VPS52: variants seen among roughly 807,000 people sequenced by gnomAD.
VPS52 encodes the protein vacuolar protein sorting-associated protein 52 homolog.
Under a neutral mutation model 98.7 loss-of-function variants are expected in VPS52, and 56 were observed. The observed-to-expected ratio is 0.57, with a 90% CI of 0.46 to 0.71. The LOEUF (loss-of-function observed/expected upper bound fraction) is 0.71, where lower values mean the gene tolerates loss of function less well. Among genes scored for constraint, VPS52 ranks in the 30% least tolerant of loss-of-function variants. The pLI is 0.00. For missense variants in VPS52, 742 were observed against 925.9 expected (o/e 0.80, Z 2.58); for synonymous variants, 348 against 346.4 (o/e 1.00, Z -0.05).
intron 14 of VPS52, 80 bp downstream of exon 14, chr6:33,264,294 C>G: frequency 6.3e-7 from 1 of 1,587,480 alleles, no homozygotes; most frequent in Non-Finnish European, 8.6e-7. Flanking sequence ...CATGACACAA[C>G]TGTGACCTTG....
At chr6:33,260,414 C>A (rs928527649) in intron 17 of VPS52, among the ~76,000 whole-genome samples, 2 of 149,238 alleles carry the variant, frequency 1.3e-5, no homozygotes, top group African/African-American at 5.0e-5. Flanking sequence ...GTGTTTATAT[C>A]ATTAAAAAAT....
At chr6:33,254,717 C>T (rs929667000) in intron 17 of VPS52, 10 of 151,712 alleles carry the variant, frequency 6.6e-5, no homozygotes, top group Non-Finnish European at 1.2e-4. Flanking sequence ...CCATCACCCA[C>T]GCTGGAGTGC....
chr6:33,266,855 G>A, intron 11 of VPS52, 143 bp from the exon 12 acceptor site: 1 of 1,148,742 alleles, frequency 8.7e-7, no homozygotes, highest in Non-Finnish European at 1.2e-6. Context: ...GGCTGTCTAA[G>A]AGCAAGCTGA....
chr6:33,271,888 C>A, upstream of VPS52: 1 of 1,171,664 alleles, frequency 8.5e-7, no homozygotes, highest in Non-Finnish European at 1.2e-6. Flanking sequence ...GCCCCGGAAC[C>A]TTCGCTGTTC....
At chr6:33,262,040 C>CAAAAAAAAAA (rs9257102) in intron 17 of VPS52, among the ~76,000 whole-genome samples, 1 of 15,376 alleles carries the variant, frequency 6.5e-5, no homozygotes, top group Admixed American at 8.8e-4. Context: ...AACTCCATCT[C>CAAAAAAAAAA]AAAAAAAAAA....
At position 33,269,472 on chromosome 6, in the gene VPS52, C is replaced by T. The variant is rs1764732268; in HGVS notation, c.372+18G>A. 6.2e-7 allele frequency: 1 copy of T among 1,612,980 alleles called. No individual in the cohort carries two copies. Reference sequence around the variant, plus strand: ...GGTTCAGAGTAGCTATTAGGGGTCACAGGTCATGATTACTAACCTCCAGGA... The same window carrying T: ...GGTTCAGAGTAGCTATTAGGGGTCATAGGTCATGATTACTAACCTCCAGGA... On this transcript the variant is annotated intron_variant, in intron 5 of 19. Coordinates refer to ENST00000445902, the MANE Select transcript of VPS52 (RefSeq NM_022553.6).
rs1367378670 is a variant in VPS52 at position 33,268,680 on chromosome 6, C to A, written c.549-31G>T. 2 of 1,571,808 alleles carry A rather than the reference C, an allele frequency of 1.3e-6. No homozygotes were observed. Among genetic ancestry groups the A allele is most frequent in the Non-Finnish European group, 1.7e-6 (2 of 1,164,778 alleles). Reference sequence around the variant, plus strand: ...TAGCAGGGAGGGGTGGGATGAGTTACAAGGGAGACCCAGACATCCCTAAAC... The same window carrying A: ...TAGCAGGGAGGGGTGGGATGAGTTAAAAGGGAGACCCAGACATCCCTAAAC... On this transcript the variant is annotated intron_variant, in intron 6 of 19. Transcript: ENST00000445902. This position sits in a 1 kb window ranked among gnomAD's most constrained non-coding sequence, Gnocchi z 4.0.
rs564660871 is a variant in VPS52 at position 33,260,170 on chromosome 6, C to T, written c.1794+3314G>A. ...AGAAAAATTATGCATGAAAAAAATCCTGTGATTCTGGGGTTTTTTGTTTTG... is the reference window on the plus strand; with the variant it reads ...AGAAAAATTATGCATGAAAAAAATCTTGTGATTCTGGGGTTTTTTGTTTTG... On this transcript the variant is annotated intron_variant, in intron 17 of 19. Transcript: ENST00000445902. Among the ~76,000 whole-genome samples the T allele has an allele frequency of 4.6e-5, 7 of 152,134 alleles. No individual in the cohort carries two copies. In the South Asian group the frequency reaches 1.2e-3, roughly 27 times the overall value.
rs955870845 is a variant in VPS52, at chr6:33,267,661, G to A, written c.991+21C>T. The stretch of plus-strand genomic sequence containing the variant: ...TCCCACTCTCAAGGCCTGGCATGAG[G>A]GTTCCCCAGTACTAGGATATCTTTC... On this transcript the variant is annotated intron_variant, in intron 10 of 19. Coordinates refer to ENST00000445902, the MANE Select transcript of VPS52 (RefSeq NM_022553.6). The surrounding 1 kb of genome is among the most constrained non-coding windows in gnomAD (Gnocchi z 4.2). The A allele has an allele frequency of 1.2e-6, 2 of 1,612,832 alleles. No individual in the cohort carries two copies. Among genetic ancestry groups the A allele is most frequent in the Admixed American group, 3.3e-5 (2 of 59,998 alleles).
chr6:33,255,152 G>C (rs900968560), intron 17 of VPS52, among the ~76,000 whole-genome samples: 5 of 152,250 alleles, frequency 3.3e-5, no homozygotes, highest in African/African-American at 1.2e-4. Context: ...TCTGGACTTA[G>C]ATGAACTTTA....
intron 1 of VPS52, 157 bp downstream of exon 1, chr6:33,271,429 C>T (rs900530671): frequency 1.3e-4 from 146 of 1,084,026 alleles, no homozygotes; most frequent in Non-Finnish European, 1.1e-4. Flanking sequence ...GGGTCCCGCT[C>T]AGGGTCGGGT....
At chr6:33,251,488 T>A (rs894264911) in intron 19 of VPS52, 30 bp downstream of exon 19, 3 of 1,385,704 alleles carry the variant, frequency 2.2e-6, no homozygotes, top group Admixed American at 3.5e-5. Flanking sequence ...TGATGGGGGA[T>A]CTGAGTGGGG....
In VPS52 at chr6:33,267,749, G is replaced by C; in HGVS notation, c.934-10C>G. 1.2e-6 allele frequency: 2 copies of C among 1,612,970 alleles called. No homozygotes were observed. The highest frequency in any genetic ancestry group is 8.5e-7 in the Non-Finnish European group (1 of 1,179,994). Reference sequence around the variant, plus strand: ...CAGCGACTTCCTCATACTAAGGAAAGAGAAAAGAGAACTGATAACCGTCTC... The same window carrying C: ...CAGCGACTTCCTCATACTAAGGAAACAGAAAAGAGAACTGATAACCGTCTC... On this transcript the variant is annotated splice_polypyrimidine_tract_variant and intron_variant, in intron 9 of 19. Transcript: ENST00000445902. The surrounding 1 kb of genome is among the most constrained non-coding windows in gnomAD (Gnocchi z 4.2).
chr6:33,269,354 CAAAA>C (rs1764718787), intron 5 of VPS52, 132 bp downstream of exon 5: 4 of 1,434,492 alleles, frequency 2.8e-6, no homozygotes, highest in South Asian at 1.2e-5. Flanking sequence ...GCAGTAATAA[CAAAA>C]AAGGCTCCTG....
intron 17 of VPS52, among the ~76,000 whole-genome samples, chr6:33,258,990 C>T (rs890240148): frequency 1.3e-5 from 2 of 152,150 alleles, no homozygotes; most frequent in African/African-American, 4.8e-5. Flanking sequence ...CTTGCAGACC[C>T]CTGACCCGGC....
Position 33,271,758 on chromosome 6 carries a change from C to T in VPS52, c.-83G>A, listed in dbSNP as rs1051776225. ...GAGCTACAAGTCCCAAAGGGTCTTCCTCAGCGCGAAATCGTTCCCAGATAT... is the reference window on the plus strand; with the variant it reads ...GAGCTACAAGTCCCAAAGGGTCTTCTTCAGCGCGAAATCGTTCCCAGATAT... On this transcript the variant is annotated 5_prime_UTR_variant, in exon 1 of 20. Transcript: ENST00000445902. 2.7e-6 allele frequency: 4 copies of T among 1,498,540 alleles called. No individual in the cohort carries two copies. In the African/African-American group the frequency reaches 5.6e-5, roughly 21 times the overall value. 92.8% of individuals were successfully genotyped at this position (1,498,540 alleles called of 1,614,324 possible).
intron 17 of VPS52, 51 bp from the exon 18 acceptor site, chr6:33,252,022 G>A (rs751180818): frequency 3.3e-6 from 5 of 1,504,198 alleles, no homozygotes; most frequent in Admixed American, 1.7e-5. Context: ...CAGCAGATTT[G>A]CCCAATTCTG....
intron 5 of VPS52, 105 bp downstream of exon 5, chr6:33,269,385 G>C: frequency 6.7e-7 from 1 of 1,493,654 alleles, no homozygotes; most frequent in South Asian, 1.2e-5. Context: ...TCTTGAAAAT[G>C]ACCCTAACCT....
intron 12 of VPS52, among the ~76,000 whole-genome samples, chr6:33,265,421 T>G (rs931732131): frequency 6.6e-6 from 1 of 152,136 alleles, no homozygotes; most frequent in Non-Finnish European, 1.5e-5. Flanking sequence ...GGCTGGATTG[T>G]AATGGTACAA....
Sources: gnomAD v4.1 joint callset for allele counts (sites outside exome capture counted in the v4.1 genomes callset) on GRCh38, gnomAD v4.1.1 for gene constraint, Gnocchi (gnomAD v3.1) non-coding constraint, MANE v1.5 for transcripts, NCBI Gene and HGNC (gene_info 2026-07-23, HGNC 2026-07-21) for gene names.